Variants in SHANK2 observed in about 807,000 individuals in gnomAD.
SHANK2 encodes the protein SH3 and multiple ankyrin repeat domains 2.
A neutral mutation model predicts 133.7 loss-of-function variants in SHANK2; 43 were observed. The observed-to-expected ratio is 0.32, with a 90% CI of 0.25 to 0.41. The LOEUF is 0.41. SHANK2 is among the 10% of genes least tolerant of loss of function. The pLI is 1.00. For missense variants in SHANK2, 1,994 were observed against 2,235.8 expected (o/e 0.89, Z 2.18); for synonymous variants, 1,017 against 952.8 (o/e 1.07, Z -1.24).
At chr11:70,906,634 A>G (rs782536167) in intron 10 of SHANK2, among the ~76,000 whole-genome samples, 3 of 152,198 alleles carry the variant, frequency 2.0e-5, no homozygotes, top group Non-Finnish European at 4.4e-5. Context: ...GAAACCGAGC[A>G]CTTGGGATGT....
rs1246458993 is a variant in SHANK2 at position 70,569,666 on chromosome 11, C to T, written c.2062-66735G>A. 1.3e-5 allele frequency among the ~76,000 whole-genome samples: 2 copies of T among 152,132 alleles called. No individual in the cohort carries two copies. Among genetic ancestry groups the T allele is most frequent in the East Asian group, 1.9e-4 (1 of 5,182 alleles). Reference sequence around the variant, plus strand: ...CCAGTCCTGGCCAATCAGGGGTTCCCGTTTCCCAGGCCACAGTGATTGGTT... The same window carrying T: ...CCAGTCCTGGCCAATCAGGGGTTCCTGTTTCCCAGGCCACAGTGATTGGTT... On this transcript the variant is annotated intron_variant, in intron 17 of 25. Transcript: ENST00000601538. The surrounding 1 kb of genome is among the most constrained non-coding windows in gnomAD (Gnocchi z 5.1).
intron 17 of SHANK2, among the ~76,000 whole-genome samples, chr11:70,568,071 A>C (rs1375990024): frequency 1.1e-4 from 17 of 152,230 alleles, no homozygotes; most frequent in Non-Finnish European, 2.5e-4. Context: ...AACTGCCGTG[A>C]GGCCAGCAGC....
At chr11:70,728,211 G>A (rs1314166255) in intron 14 of SHANK2, among the ~76,000 whole-genome samples, 1 of 152,176 alleles carries the variant, frequency 6.6e-6, no homozygotes, top group African/African-American at 2.4e-5. Context: ...ACAGGGAAAA[G>A]TACTCCCCAG....
At chr11:70,660,788 G>A (rs2061475482) in intron 16 of SHANK2, among the ~76,000 whole-genome samples, 1 of 152,240 alleles carries the variant, frequency 6.6e-6, no homozygotes, top group Non-Finnish European at 1.5e-5. Context: ...GCCTGAGTCT[G>A]AGGCAGGTGG....
intron 17 of SHANK2, among the ~76,000 whole-genome samples, chr11:70,530,016 C>G (rs2059447608): frequency 6.6e-6 from 1 of 152,158 alleles, no homozygotes; most frequent in South Asian, 2.1e-4. Flanking sequence ...TTCCTCAACA[C>G]TCAACAGAGT....
intron 12 of SHANK2, among the ~76,000 whole-genome samples, chr11:70,812,730 G>A (rs916278979): frequency 5.9e-5 from 9 of 152,210 alleles, no homozygotes; most frequent in Non-Finnish European, 5.9e-5. Context: ...CCCGGGCCAC[G>A]CTGGGGGTCC....
At chr11:70,572,336 T>G (rs782016180) in intron 17 of SHANK2, among the ~76,000 whole-genome samples, 1 of 152,160 alleles carries the variant, frequency 6.6e-6, no homozygotes, top group Non-Finnish European at 1.5e-5. Context: ...ATTTTTGCAT[T>G]TTTAGTAGAG....
intron 9 of SHANK2, among the ~76,000 whole-genome samples, chr11:71,064,929 G>A (rs1951030048): frequency 6.6e-6 from 1 of 152,148 alleles, no homozygotes; most frequent in Non-Finnish European, 1.5e-5. Context: ...GACTCCGACT[G>A]GGGACTCTTG....
At chr11:71,182,210 G>A (rs61887412) in intron 2 of SHANK2, among the ~76,000 whole-genome samples, 2,444 of 152,190 alleles carry the variant, frequency 0.016, 21 homozygotes, top group Non-Finnish European at 0.027. Flanking sequence ...TAGCACGGCT[G>A]TCCATCTGCT....
At chr11:70,758,321 G>A (rs930677662) in intron 14 of SHANK2, among the ~76,000 whole-genome samples, 15 of 151,558 alleles carry the variant, frequency 9.9e-5, no homozygotes, top group African/African-American at 3.4e-4. Flanking sequence ...GTTACGGCTC[G>A]AGGTGAGCTT....
intron 2 of SHANK2, among the ~76,000 whole-genome samples, chr11:71,195,821 C>T (rs1015986139): frequency 9.2e-5 from 14 of 152,210 alleles, no homozygotes; most frequent in African/African-American, 3.4e-4. Context: ...GGGAAATCTT[C>T]CCTTGAGGAA....
At chr11:70,697,536 T>C (rs1429509114) in intron 15 of SHANK2, among the ~76,000 whole-genome samples, 2 of 152,168 alleles carry the variant, frequency 1.3e-5, no homozygotes, top group African/African-American at 4.8e-5. Context: ...TGGAAGCAGA[T>C]AGTGGTGATG....
At chr11:70,552,675 C>T (rs76153918) in intron 17 of SHANK2, among the ~76,000 whole-genome samples, 3,566 of 152,244 alleles carry the variant, frequency 0.023, 76 homozygotes, top group East Asian at 0.1. Context: ...ACCTGTGGCT[C>T]GAGGGTTCTC....
intron 14 of SHANK2, among the ~76,000 whole-genome samples, chr11:70,772,338 G>A (rs1466631244): frequency 2.0e-5 from 3 of 151,830 alleles, no homozygotes; most frequent in Admixed American, 6.6e-5. Context: ...TACTCGGGAG[G>A]CTGAGGCAGG....
intron 14 of SHANK2, among the ~76,000 whole-genome samples, chr11:70,747,865 G>T (rs1389829057): frequency 1.3e-5 from 2 of 152,206 alleles, no homozygotes; most frequent in Non-Finnish European, 2.9e-5. Context: ...GTTTGTGTGT[G>T]CATACATGCA....
At position 70,820,660 on chromosome 11, in the gene SHANK2, C is replaced by T. The variant is rs11237599; in HGVS notation, c.1197G>A (p.Ala399=). 119,840 of 696,650 alleles carry T rather than the reference C, an allele frequency of 0.17. 12,270 individuals carry two copies. Among genetic ancestry groups the T allele is most frequent in the Admixed American group, 0.22 (10,491 of 48,260 alleles). 43.2% of individuals were successfully genotyped at this position (696,650 alleles called of 1,614,324 possible). A position where few individuals can be genotyped will look rare whatever the true frequency, so the allele number is the denominator to read the frequency against. Residue 399 remains alanine, a synonymous_variant, in exon 12 of 26, where the codon GCG becomes GCA. Transcript: ENST00000601538. ...TDIVPFREAP[A]YSNRRRRPPN... is the part of the protein sequence containing the mutation. ...GGGGCCGCCGCCGGCGGTTGGAGTA[C>T]GCCGGGGCCTCTCGGAAGGGCACTG...
At chr11:70,686,056 C>G (rs1945141666) in intron 15 of SHANK2, among the ~76,000 whole-genome samples, 2 of 146,690 alleles carry the variant, frequency 1.4e-5, no homozygotes, top group African/African-American at 5.1e-5. Context: ...TCCACACACC[C>G]ATCCAGCTCC....
At chr11:71,250,708 G>C (rs1280477568) in intron 1 of SHANK2, among the ~76,000 whole-genome samples, 1 of 152,170 alleles carries the variant, frequency 6.6e-6, no homozygotes, top group South Asian at 2.1e-4. Flanking sequence ...GGTTCCTAGT[G>C]CACAGAAGGG....
chr11:70,952,751 C>CG (rs35132270), intron 10 of SHANK2: 32 of 438,936 alleles, frequency 7.3e-5, no homozygotes, highest in Non-Finnish European at 1.0e-4. Flanking sequence ...TTCGTGTGTC[C>CG]GGGGGGGCCT....
Sources: gnomAD v4.1 joint callset for allele counts (sites outside exome capture counted in the v4.1 genomes callset) on GRCh38, gnomAD v4.1.1 for gene constraint, Gnocchi (gnomAD v3.1) non-coding constraint, MANE v1.5 for transcripts, NCBI Gene and HGNC (gene_info 2026-07-23, HGNC 2026-07-21) for gene names.